The following RALGAPA2 variants were observed in gnomAD, a reference collection of about 807,000 sequenced individuals.
RALGAPA2 encodes Ral GTPase activating protein catalytic subunit alpha 2.
A neutral mutation model predicts 230.4 loss-of-function variants in RALGAPA2; 139 were observed. The ratio of observed to expected loss-of-function variants is 0.60; its 90% CI spans 0.53 to 0.69. The LOEUF is 0.69. Ranked by LOEUF, RALGAPA2 falls within the 30% of genes least tolerant of loss-of-function variation. The pLI, the probability that RALGAPA2 is intolerant of heterozygous loss-of-function variation, is 0.00. For missense variants in RALGAPA2, 2,163 were observed against 2,276.0 expected, an observed-to-expected ratio of 0.95 and a Z score of 1.01; for synonymous variants, 847 against 837.8, an observed-to-expected ratio of 1.01 and a Z score of -0.19.
At chr20:20,565,611 C>T (rs1273980616) in intron 23 of RALGAPA2, among the ~76,000 whole-genome samples, 1 of 152,172 alleles carries the variant, frequency 6.6e-6, no homozygotes, top group African/African-American at 2.4e-5. Flanking sequence ...TGATAGAATA[C>T]TGCTCTATAT....
In RALGAPA2 at chr20:20,591,177, CCT is replaced by C; in HGVS notation, c.2339_2340del (p.Gln780ArgfsTer22). ...ATTAAACACTGAAGACATCATGTAC[CCT>C]GAGAAGAATCTGAGCACAGCGGCTC... ...IPEPLCSDSSQGQKAENTQNS... is the reference protein window; with the variant it reads ...IPEPLCSDSSXGQKAENTQNS... On this transcript the variant is annotated frameshift_variant and splice_region_variant, in exon 17 of 40. Transcript: ENST00000202677. LOFTEE classifies it high-confidence loss of function. 1 of 1,613,498 alleles carries C rather than the reference CCT, an allele frequency of 6.2e-7. No homozygotes were observed. The highest frequency in any genetic ancestry group is 8.5e-7 in the Non-Finnish European group (1 of 1,179,670).
intron 1 of RALGAPA2, among the ~76,000 whole-genome samples, chr20:20,701,772 T>G (rs968702508): frequency 2.0e-5 from 3 of 149,276 alleles, no homozygotes; most frequent in Non-Finnish European, 4.4e-5. Flanking sequence ...CCAGGCGCAG[T>G]GGCTGACACC....
At chr20:20,702,231 A>T (rs1025428598) in intron 1 of RALGAPA2, among the ~76,000 whole-genome samples, 4 of 152,198 alleles carry the variant, frequency 2.6e-5, no homozygotes, top group African/African-American at 9.7e-5. Flanking sequence ...AAAACTGTAG[A>T]TGGCAGGATG....
intron 4 of RALGAPA2, among the ~76,000 whole-genome samples, chr20:20,648,663 G>T (rs527406177): frequency 6.6e-6 from 1 of 151,964 alleles, no homozygotes; most frequent in Non-Finnish European, 1.5e-5. Flanking sequence ...AGAGGATTGC[G>T]GTGGGGGTTG....
intron 37 of RALGAPA2, among the ~76,000 whole-genome samples, chr20:20,431,353 G>C (rs908006966): frequency 2.6e-5 from 4 of 152,178 alleles, no homozygotes; most frequent in African/African-American, 9.7e-5. Context: ...TATGAGGCTG[G>C]AGGGGGGAGA....
At chr20:20,424,406 A>T (rs2060339313) in intron 37 of RALGAPA2, among the ~76,000 whole-genome samples, 1 of 152,250 alleles carries the variant, frequency 6.6e-6, no homozygotes. Context: ...AGGCTACTTC[A>T]ATGATGAAAA....
chr20:20,629,134 C>G (rs547796761), intron 10 of RALGAPA2, among the ~76,000 whole-genome samples: 1 of 152,210 alleles, frequency 6.6e-6, no homozygotes, highest in South Asian at 2.1e-4. Flanking sequence ...AGAATTTTCC[C>G]TCCTTGTGTA....
At chr20:20,505,673 G>T in intron 33 of RALGAPA2, 139 bp from the exon 34 acceptor site, 1 of 696,694 alleles carries the variant, frequency 1.4e-6, no homozygotes, top group Non-Finnish European at 2.3e-6. Context: ...AGTGTTCTGA[G>T]ATGGTCTGAC....
At chr20:20,395,929 G>T (rs117761093) in intron 39 of RALGAPA2, among the ~76,000 whole-genome samples, 2,776 of 152,356 alleles carry the variant, frequency 0.018, 42 homozygotes, top group Non-Finnish European at 0.028. Flanking sequence ...TCCTGTGAAT[G>T]GCATTGCCGT....
At chr20:20,646,497 C>CT (rs1169262606) in intron 4 of RALGAPA2, among the ~76,000 whole-genome samples, 1 of 152,140 alleles carries the variant, frequency 6.6e-6, no homozygotes, top group African/African-American at 2.4e-5. Context: ...TCTTCTGTGC[C>CT]TTGACCATGG....
chr20:20,404,994 GTTTC>G (rs1371809699), intron 38 of RALGAPA2, among the ~76,000 whole-genome samples: 1 of 152,190 alleles, frequency 6.6e-6, no homozygotes, highest in Non-Finnish European at 1.5e-5. Flanking sequence ...GAAACATGTG[GTTTC>G]TTTCTCTCTG....
intron 4 of RALGAPA2, among the ~76,000 whole-genome samples, chr20:20,650,639 T>C (rs1383631173): frequency 6.6e-6 from 1 of 152,136 alleles, no homozygotes; most frequent in Non-Finnish European, 1.5e-5. Context: ...CAGACACTGG[T>C]TGGTGAGAAG....
intron 10 of RALGAPA2, among the ~76,000 whole-genome samples, chr20:20,621,514 C>T (rs973688366): frequency 6.6e-6 from 1 of 150,460 alleles, no homozygotes; most frequent in Admixed American, 6.6e-5. Context: ...CCCTTCCTTC[C>T]TTCCTTTTTT....
intron 1 of RALGAPA2, among the ~76,000 whole-genome samples, chr20:20,707,381 T>C (rs552062479): frequency 5.3e-5 from 8 of 151,814 alleles, no homozygotes; most frequent in Admixed American, 2.6e-4. Context: ...GTATTACTTC[T>C]ATCAGGAAAA....
intron 35 of RALGAPA2, among the ~76,000 whole-genome samples, chr20:20,499,808 G>A (rs2062320124): frequency 6.6e-6 from 1 of 152,228 alleles, no homozygotes; most frequent in African/African-American, 2.4e-5. Context: ...ATTGGGCCAT[G>A]ACTTGAGTTC....
chr20:20,534,745 T>C (rs991598123), intron 26 of RALGAPA2, among the ~76,000 whole-genome samples: 3 of 152,172 alleles, frequency 2.0e-5, no homozygotes, highest in Non-Finnish European at 4.4e-5. Context: ...AATGAAATAG[T>C]ACTTATTTTG....
chr20:20,517,789 C>T (rs2062916714), intron 31 of RALGAPA2, among the ~76,000 whole-genome samples: 1 of 148,124 alleles, frequency 6.8e-6, no homozygotes, highest in Non-Finnish European at 1.5e-5. Flanking sequence ...ATTAAAGCCA[C>T]ATCTTGAAGA....
chr20:20,696,561 C>T (rs1435133230), intron 1 of RALGAPA2, among the ~76,000 whole-genome samples: 1 of 152,056 alleles, frequency 6.6e-6, no homozygotes, highest in Non-Finnish European at 1.5e-5. Context: ...TACTGGGATG[C>T]CAAAGTTCCA....
Position 20,635,403 on chromosome 20 carries a change from T to C in RALGAPA2, c.1005+15A>G, listed in dbSNP as rs1481297948. 2 of 1,574,012 alleles carry C rather than the reference T, an allele frequency of 1.3e-6. No homozygotes were observed. The highest frequency in any genetic ancestry group is 3.7e-5 in the Admixed American group (2 of 53,424). The stretch of plus-strand genomic sequence containing the variant: ...ACACAAGCATTAACAGATAAAAAGA[T>C]GATGGATGGCATACCTGGATGATTT... On this transcript the variant is annotated intron_variant, in intron 9 of 39. Coordinates refer to ENST00000202677, the MANE Select transcript of RALGAPA2 (RefSeq NM_020343.4).
Sources: gnomAD v4.1 joint callset for allele counts (sites outside exome capture counted in the v4.1 genomes callset) on GRCh38, gnomAD v4.1.1 for gene constraint, MANE v1.5 for transcripts, NCBI Gene and HGNC (gene_info 2026-07-23, HGNC 2026-07-21) for gene names.